The following EPB41L5 variants were observed in gnomAD, a reference collection of about 807,000 sequenced individuals.
EPB41L5 encodes the protein erythrocyte membrane protein band 4.1 like 5.
Under a neutral mutation model 106.6 loss-of-function variants are expected in EPB41L5, and 55 were observed. That is an observed-to-expected ratio of 0.52 (90% confidence interval 0.42 to 0.65). The LOEUF is 0.65. Among genes scored for constraint, EPB41L5 ranks in the 30% least tolerant of loss-of-function variants. The probability of loss-of-function intolerance (pLI) is 0.00; values close to 1 mark genes in which losing one functional copy is unlikely to be tolerated. For synonymous variants in EPB41L5, 297 were observed against 306.7 expected, an observed-to-expected ratio of 0.97 and a Z score of 0.33; for missense variants, 871 against 882.1, an observed-to-expected ratio of 0.99 and a Z score of 0.16.
At chr2:120,051,836 T>C (rs534236128) in intron 3 of EPB41L5, among the ~76,000 whole-genome samples, 1 of 18,174 alleles carries the variant, frequency 5.5e-5, no homozygotes, top group Non-Finnish European at 3.3e-4. Flanking sequence ...ATTGTTTTGT[T>C]TTTTTTTTGA....
chr2:120,028,111 G>A (rs184956001), intron 2 of EPB41L5, among the ~76,000 whole-genome samples: 5 of 152,090 alleles, frequency 3.3e-5, no homozygotes, highest in Non-Finnish European at 7.4e-5. Flanking sequence ...TGATCCACCC[G>A]CCTCGGCCTC....
At chr2:120,061,030 A>AGTT (rs1681008393) in intron 3 of EPB41L5, among the ~76,000 whole-genome samples, 1 of 63,102 alleles carries the variant, frequency 1.6e-5, no homozygotes, top group Admixed American at 1.8e-4. Context: ...GGTTCAGGGA[A>AGTT]GTTTTTTTTT....
At chr2:120,128,854 TCC>T (rs962055284) in intron 17 of EPB41L5, among the ~76,000 whole-genome samples, 19 of 152,266 alleles carry the variant, frequency 1.2e-4, no homozygotes, top group African/African-American at 4.3e-4. Context: ...TAAGAAAATA[TCC>T]CCCATTACTA....
chr2:120,087,285 A>G, intron 11 of EPB41L5, 45 bp downstream of exon 11: 1 of 1,143,790 alleles, frequency 8.7e-7, no homozygotes, highest in African/African-American at 1.5e-5. Flanking sequence ...CAGTGACTGT[A>G]TTATGTGGTA....
intron 3 of EPB41L5, among the ~76,000 whole-genome samples, chr2:120,059,244 C>G (rs946442459): frequency 6.6e-6 from 1 of 152,054 alleles, no homozygotes; most frequent in Non-Finnish European, 1.5e-5. Context: ...GAAAAACAAA[C>G]AAACTAAAAA....
At position 120,175,178 on chromosome 2, in the gene EPB41L5, T is replaced by C. The variant is rs144030178; in HGVS notation, c.*271T>C. ...AATTCCCGAAAGAAGGGAATTTCTT[T>C]TTCTGGGGTTTCCTTCAAACTCTTG... On this transcript the variant is annotated 3_prime_UTR_variant, in exon 25 of 25. Transcript: ENST00000263713. 1.3e-4 allele frequency: 54 copies of C among 414,538 alleles called. No individual in the cohort carries two copies. The highest frequency in any genetic ancestry group is 9.7e-4 in the African/African-American group (49 of 50,464). The allele number at this position is 414,538 out of a possible 1,614,324, so 25.7% of individuals were successfully genotyped here.
At chr2:120,025,627 G>T (rs147580421) in intron 2 of EPB41L5, among the ~76,000 whole-genome samples, 1 of 152,250 alleles carries the variant, frequency 6.6e-6, no homozygotes, top group East Asian at 1.9e-4. Context: ...ATGTAAGACT[G>T]TATATAGTTA....
chr2:120,084,126 AATTTGATCCTGTC>A (rs1189280408), intron 10 of EPB41L5, among the ~76,000 whole-genome samples: 4 of 152,138 alleles, frequency 2.6e-5, no homozygotes, highest in African/African-American at 9.7e-5. Flanking sequence ...GTCATATGTG[AATTTGATCCTGTC>A]ATTTGATCCT....
intron 2 of EPB41L5, among the ~76,000 whole-genome samples, chr2:120,024,517 C>T (rs1023540155): frequency 6.6e-6 from 1 of 152,026 alleles, no homozygotes; most frequent in African/African-American, 2.4e-5. Flanking sequence ...AGTGCAGTGG[C>T]GTGATCTCAG....
chr2:120,140,058 G>A (rs1241329762), intron 18 of EPB41L5, among the ~76,000 whole-genome samples: 1 of 152,000 alleles, frequency 6.6e-6, no homozygotes, highest in African/African-American at 2.4e-5. Flanking sequence ...GAGAAGCCAG[G>A]CACAGAAAGA....
At chr2:120,104,436 A>T in intron 16 of EPB41L5, 1 of 1,338,974 alleles carries the variant, frequency 7.5e-7, no homozygotes, top group Non-Finnish European at 9.5e-7. Flanking sequence ...AGCATCAATG[A>T]TAATGACAAA....
intron 21 of EPB41L5, among the ~76,000 whole-genome samples, chr2:120,161,894 A>T (rs888402845): frequency 6.6e-6 from 1 of 152,122 alleles, no homozygotes; most frequent in Admixed American, 6.5e-5. Flanking sequence ...TTTCATCTCA[A>T]AACCATACCC....
At chr2:120,151,310 A>C (rs542142907) in intron 20 of EPB41L5, among the ~76,000 whole-genome samples, 1 of 151,974 alleles carries the variant, frequency 6.6e-6, no homozygotes, top group South Asian at 2.1e-4. Flanking sequence ...AAAAAATAAT[A>C]ATAATAATAA....
rs568524225 is a variant in EPB41L5 at position 120,015,183 on chromosome 2, C to G, written c.-9+1973C>G. On this transcript the variant is annotated intron_variant, in intron 1 of 24. Coordinates refer to ENST00000263713, the MANE Select transcript of EPB41L5 (RefSeq NM_020909.4). ...CTAAAAAAAATAACAAAAAATTAGC[C>G]GGTCGTAGCGGCGGGCACCTGTAGT... Among the ~76,000 whole-genome samples the G allele has an allele frequency of 4.6e-5, 7 of 151,950 alleles. No homozygotes were observed. In the South Asian group the frequency reaches 1.5e-3, roughly 32 times the overall value.
At chr2:120,060,141 GATCTCTT>G (rs1215743015) in intron 3 of EPB41L5, among the ~76,000 whole-genome samples, 1 of 152,190 alleles carries the variant, frequency 6.6e-6, no homozygotes, top group Non-Finnish European at 1.5e-5. Context: ...GCAGAAATGG[GATCTCTT>G]ATACATTGTT....
chr2:120,091,488 G>A, intron 12 of EPB41L5, 67 bp from the exon 13 acceptor site: 1 of 1,077,520 alleles, frequency 9.3e-7, no homozygotes, highest in Non-Finnish European at 1.4e-6. Flanking sequence ...AATGTGGACT[G>A]TCTTATTTGT....
intron 3 of EPB41L5, among the ~76,000 whole-genome samples, chr2:120,047,307 T>C (rs1679856781): frequency 1.3e-5 from 2 of 152,220 alleles, no homozygotes; most frequent in Admixed American, 6.5e-5. Context: ...GGAATGTTCC[T>C]CCATTTGTTT....
At chr2:120,141,055 T>A (rs1686151648) in intron 18 of EPB41L5, among the ~76,000 whole-genome samples, 2 of 151,964 alleles carry the variant, frequency 1.3e-5, no homozygotes, top group South Asian at 4.1e-4. Context: ...GACAGCAGAG[T>A]TGACAGTGTT....
At position 120,087,190 on chromosome 2, in the gene EPB41L5, G is replaced by C. The variant is rs1683116531; in HGVS notation, c.823G>C (p.Asp275His). 3 of 1,587,598 alleles carry C rather than the reference G, an allele frequency of 1.9e-6. No homozygotes were observed. The Admixed American group carries it at 5.0e-5, about 27-fold the overall frequency. ...TTATAGGCCGAAGATAACCAGATTG[G>C]ATTTTAAGAAGAATAAATTAACCTT... ...LFFWPKITRL[D>H]FKKNKLTLVV... Residue 275 changes from aspartate to histidine, a missense_variant, in exon 11 of 25, where the codon GAT becomes CAT. Physicochemically the swap from Asp to His is moderately conservative, Grantham distance 81 (BLOSUM62 -1). Coordinates refer to ENST00000263713, the MANE Select transcript of EPB41L5 (RefSeq NM_020909.4).
Sources: allele counts gnomAD v4.1 joint callset (sites outside exome capture counted in the v4.1 genomes callset), GRCh38; gene constraint gnomAD v4.1.1; transcripts MANE v1.5; gene names NCBI Gene and HGNC (gene_info 2026-07-23, HGNC 2026-07-21).